Variants in INF2 observed in about 807,000 individuals in gnomAD.
The protein encoded by INF2 is inverted formin-2.
INF2 carries 43 observed loss-of-function variants against 123.5 expected under a neutral mutation model. The observed-to-expected ratio is 0.35, with a 90% CI of 0.27 to 0.45. The LOEUF is 0.45. Among genes scored for constraint, INF2 ranks in the 20% least tolerant of loss-of-function variants. INF2 has a pLI of 1.00. For missense variants in INF2, 1,453 were observed against 1,682.7 expected (o/e 0.86, Z 2.39); for synonymous variants, 851 against 745.0 (o/e 1.14, Z -2.32).
intron 1 of INF2, among the ~76,000 whole-genome samples, chr14:104,698,969 G>A (rs1889337387): frequency 6.6e-6 from 1 of 152,194 alleles, no homozygotes. Flanking sequence ...TGGGCAGGAG[G>A]GCCAGTTTCC....
In INF2 at chr14:104,710,013, C is replaced by CACCCCCCA. The variant is rs1247557329; in HGVS notation, c.2139-75_2139-74insACCCCCCA. ...CCTTTGCCCACCACCCAAGCCAGAG[C>CACCCCCCA]CCTGTGCTGAGTGCCCCTCTGGCAG... On this transcript the variant is annotated intron_variant, in intron 12 of 22. Transcript: ENST00000392634. 15 of 1,265,046 alleles carry CACCCCCCA rather than the reference C, an allele frequency of 1.2e-5. No homozygotes were observed. The African/African-American group carries it at 1.9e-4, about 16-fold the overall frequency. The allele number at this position is 1,265,046 out of a possible 1,614,324, so 78.4% of individuals were successfully genotyped here.
chr14:104,718,324 C>A (rs1890409898), intron 22 of INF2, among the ~76,000 whole-genome samples: 3 of 152,306 alleles, frequency 2.0e-5, no homozygotes, highest in South Asian at 4.1e-4. Context: ...TGTGTGGGGG[C>A]CGTCTGGGTG....
upstream of INF2, among the ~76,000 whole-genome samples, chr14:104,688,753 C>T (rs907559979): frequency 6.6e-6 from 1 of 152,206 alleles, no homozygotes; most frequent in African/African-American, 2.4e-5. Flanking sequence ...CTGCCAGTGG[C>T]CCCCAAACCC....
chr14:104,700,130 G>A lies in INF2; in HGVS notation c.-9-1227G>A, dbSNP rs1029732870. The stretch of plus-strand genomic sequence containing the variant: ...GGGTGCTCGACCCCGCTCAGCTCCC[G>A]TGACCTCAAATGCCCTTCAGCCTGG... On this transcript the variant is annotated intron_variant, in intron 1 of 22. Coordinates refer to ENST00000392634, the MANE Select transcript of INF2 (RefSeq NM_022489.4). Among the ~76,000 whole-genome samples, 5 of 152,276 alleles carry A rather than the reference G, an allele frequency of 3.3e-5. No homozygotes were observed. The South Asian group carries it at 6.2e-4, about 19-fold the overall frequency.
At chr14:104,716,190 C>A (rs927920584) in intron 22 of INF2, among the ~76,000 whole-genome samples, 2 of 152,200 alleles carry the variant, frequency 1.3e-5, no homozygotes, top group Non-Finnish European at 2.9e-5. Context: ...AGAGCCAGCC[C>A]GGTGTCGGTG....
At chr14:104,686,245 G>A (rs377202160), upstream of INF2, among the ~76,000 whole-genome samples, 31 of 151,584 alleles carry the variant, frequency 2.0e-4, no homozygotes, top group East Asian at 5.7e-3. Context: ...ATAGGTGGGT[G>A]GGTGGATAGA....
chr14:104,710,763 C>T (rs779768503), intron 13 of INF2, 174 bp from the exon 14 acceptor site: 30 of 612,234 alleles, frequency 4.9e-5, no homozygotes, highest in Middle Eastern at 4.3e-4. Context: ...CCACTCCCGT[C>T]GGTGGAGGGT....
At chr14:104,713,077 G>A in intron 18 of INF2, 85 bp downstream of exon 18, 1 of 1,607,576 alleles carries the variant, frequency 6.2e-7, no homozygotes, top group Non-Finnish European at 8.5e-7. Flanking sequence ...ATGGGCAGAG[G>A]CACCTTTCGT....
At chr14:104,701,852 A>G (rs1889523328) in intron 2 of INF2, 96 bp downstream of exon 2, 29 of 1,339,784 alleles carry the variant, frequency 2.2e-5, no homozygotes, top group Non-Finnish European at 2.9e-5. Context: ...GGGAACCACC[A>G]GGAGGAAGCG....
At chr14:104,695,582 T>TCCTCCCAGTGACCC (rs1555372471) in intron 1 of INF2, among the ~76,000 whole-genome samples, 3,269 of 149,822 alleles carry the variant, frequency 0.022, 87 homozygotes, top group Non-Finnish European at 0.029. Flanking sequence ...GCTTGCCGAC[T>TCCTCCCAGTGACCC]CTCCTCCCAG....
At chr14:104,693,642 C>G (rs777601900) in intron 1 of INF2, among the ~76,000 whole-genome samples, 1 of 152,224 alleles carries the variant, frequency 6.6e-6, no homozygotes, top group African/African-American at 2.4e-5. Flanking sequence ...AGCTGCCCAA[C>G]ACGCATGGAG....
At chr14:104,709,429 C>G in intron 11 of INF2, 46 bp downstream of exon 11, 1 of 1,487,804 alleles carries the variant, frequency 6.7e-7, no homozygotes, top group East Asian at 2.3e-5. Context: ...GTGCCACCAA[C>G]CAAGGGAGAG....
At chr14:104,700,999 CCCCGAGTCCT>C in intron 1 of INF2, 1 of 401,882 alleles carries the variant, frequency 2.5e-6, no homozygotes, top group Non-Finnish European at 3.4e-6. Flanking sequence ...CCTCCCGCTC[CCCCGAGTCCT>C]CCCCAAGCTC....
intron 1 of INF2, among the ~76,000 whole-genome samples, chr14:104,692,221 C>T (rs1404845092): frequency 6.6e-6 from 1 of 152,250 alleles, no homozygotes; most frequent in Admixed American, 6.5e-5. Context: ...CCACCCTCAT[C>T]CCTCCCAGTG....
Position 104,718,899 on chromosome 14 carries a change from C to T in INF2, c.*106C>T, listed in dbSNP as rs1009104671. On this transcript the variant is annotated 3_prime_UTR_variant, in exon 23 of 23. Transcript: ENST00000392634. Reference sequence around the variant, plus strand: ...TGGGGGCCAGGCTGGGACTGGGCCCCGGAAACCAAAACTCCGTGCCTTACC... The same window carrying T: ...TGGGGGCCAGGCTGGGACTGGGCCCTGGAAACCAAAACTCCGTGCCTTACC... 11 of 1,553,690 alleles carry T rather than the reference C, an allele frequency of 7.1e-6. No individual in the cohort carries two copies. The highest frequency in any genetic ancestry group is 2.8e-5 in the African/African-American group (2 of 72,082).
In INF2 at chr14:104,699,590, C is replaced by T. The variant is rs561690536; in HGVS notation, c.-9-1767C>T. ...GGGCAGAGGTGGCCGGAAGGTCTTGCGCATCTGGGTGAGTGGACGGCCACT... is the reference window on the plus strand; with the variant it reads ...GGGCAGAGGTGGCCGGAAGGTCTTGTGCATCTGGGTGAGTGGACGGCCACT... On this transcript the variant is annotated intron_variant, in intron 1 of 22. Transcript: ENST00000392634. This position sits in a 1 kb window ranked among gnomAD's most constrained non-coding sequence, Gnocchi z 4.7. 1.4e-5 allele frequency: 14 copies of T among 985,182 alleles called. No individual in the cohort carries two copies. Among genetic ancestry groups the T allele is most frequent in the Admixed American group, 6.1e-5 (1 of 16,268 alleles). 61.0% of individuals were successfully genotyped at this position (985,182 alleles called of 1,614,324 possible). A position where few individuals can be genotyped will look rare whatever the true frequency, so the allele number is the denominator to read the frequency against.
Position 104,713,306 on chromosome 14 carries a change from C to G in INF2, c.2875C>G (p.Pro959Ala), listed in dbSNP as rs369417066. The G allele has an allele frequency of 2.6e-6, 4 of 1,550,644 alleles. No homozygotes were observed. In the African/African-American group the frequency reaches 5.5e-5, roughly 21 times the overall value. ...GCGGCCTCGGGGAGAGGACGGGAAG[C>G]CTGGTGAGGCTGGGCCGGCTGGGCG... is the stretch of plus-strand genomic sequence containing the variant. ...ARRPRGEDGKPVRKGPGKQEE... is the reference protein window; with the variant it reads ...ARRPRGEDGKAVRKGPGKQEE... The change falls in exon 19 of 23, where the codon CCT (proline) becomes GCT (alanine). Residue 959 changes from proline to alanine, a missense_variant. By Grantham distance (27) the Pro-to-Ala change is conservative (BLOSUM62 -1). This residue lies in a region of INF2 where 212 missense variants were observed against 266.2 expected (regional missense o/e 0.80). Coordinates refer to ENST00000392634, the MANE Select transcript of INF2 (RefSeq NM_022489.4).
Position 104,721,761 on chromosome 14 carries a change from A to AG in INF2, c.*2970dup, listed in dbSNP as rs1447956601. 6.6e-6 allele frequency: 1 copy of AG among 152,184 alleles called. No individual in the cohort carries two copies. The highest frequency in any genetic ancestry group is 1.5e-5 in the Non-Finnish European group (1 of 68,068). 9.4% of individuals were successfully genotyped at this position (152,184 alleles called of 1,614,324 possible). ...GTGGGACTGGGGACCCTGTGACAGG[A>AG]GGAGCTGCCCTTCCTGGAGCCTGGT... is the stretch of plus-strand genomic sequence containing the variant. On this transcript the variant is annotated 3_prime_UTR_variant, in exon 23 of 23. Transcript: ENST00000392634.
At chr14:104,718,286 C>T (rs1229114769) in intron 22 of INF2, among the ~76,000 whole-genome samples, 2 of 152,152 alleles carry the variant, frequency 1.3e-5, no homozygotes, top group Non-Finnish European at 1.5e-5. Flanking sequence ...GCGAAGAGGG[C>T]GTTGGGGGCA....
Sources: gnomAD v4.1 joint callset for allele counts (sites outside exome capture counted in the v4.1 genomes callset) on GRCh38, gnomAD v4.1.1 for gene constraint, gnomAD v4.1.1 regional missense constraint, Gnocchi (gnomAD v3.1) non-coding constraint, MANE v1.5 for transcripts, NCBI Gene and HGNC (gene_info 2026-07-23, HGNC 2026-07-21) for gene names.